FDX1: variants seen among roughly 807,000 people sequenced by gnomAD.
FDX1 encodes the protein adrenodoxin, mitochondrial.
Under a neutral mutation model 14.9 loss-of-function variants are expected in FDX1, and 9 were observed. The ratio of observed to expected loss-of-function variants is 0.60; its 90% confidence interval spans 0.36 to 1.05. The LOEUF is 1.05. Among genes scored for constraint, FDX1 ranks in the 50% least tolerant of loss-of-function variants. FDX1 has a pLI of 0.01. For missense variants in FDX1, 204 were observed against 237.2 expected (o/e 0.86, Z 0.92); for synonymous variants, 92 against 99.4 (o/e 0.93, Z 0.44).
intron 2 of FDX1, among the ~76,000 whole-genome samples, chr11:110,447,205 G>A (rs1412637359): frequency 7.1e-6 from 1 of 140,890 alleles, no homozygotes; most frequent in Non-Finnish European, 1.5e-5. Flanking sequence ...CGAGATGGGC[G>A]GATCACGAGG....
chr11:110,432,179 A>C (rs1397428971), intron 1 of FDX1, among the ~76,000 whole-genome samples: 1 of 152,224 alleles, frequency 6.6e-6, no homozygotes, highest in East Asian at 1.9e-4. Context: ...ATAAGCTATC[A>C]GTAATTGAGA....
chr11:110,457,658 A>G (rs1946530707), intron 3 of FDX1, among the ~76,000 whole-genome samples: 1 of 152,262 alleles, frequency 6.6e-6, no homozygotes, highest in African/African-American at 2.4e-5. Flanking sequence ...TTCAAGGGGT[A>G]AGATAATGAG....
chr11:110,444,622 A>G (rs1946426009), intron 2 of FDX1, among the ~76,000 whole-genome samples: 1 of 140,462 alleles, frequency 7.1e-6, no homozygotes, highest in Non-Finnish European at 1.5e-5. Flanking sequence ...TCAAAAAAAA[A>G]AGAAAATATA....
chr11:110,444,307 C>T (rs115025296), intron 2 of FDX1, among the ~76,000 whole-genome samples: 2,909 of 151,980 alleles, frequency 0.019, 77 homozygotes, highest in African/African-American at 0.061. Flanking sequence ...TTATTGAATA[C>T]GGAGTCTCTT....
chr11:110,438,104 G>T (rs1032486465), intron 2 of FDX1, among the ~76,000 whole-genome samples: 1 of 152,164 alleles, frequency 6.6e-6, no homozygotes, highest in African/African-American at 2.4e-5. Context: ...GAGAGCATGT[G>T]TCTTTTGGTA....
At chr11:110,447,273 C>CAAAAAAAAAA (rs541827807) in intron 2 of FDX1, among the ~76,000 whole-genome samples, 11 of 75,744 alleles carry the variant, frequency 1.5e-4, no homozygotes, top group African/African-American at 2.9e-4. Flanking sequence ...ACTAAAAATA[C>CAAAAAAAAAA]AAAAAAAAAA....
At position 110,429,968 on chromosome 11, in the gene FDX1, G is replaced by A. The variant is rs562265148; in HGVS notation, c.-153G>A. On this transcript the variant is annotated 5_prime_UTR_variant, in exon 1 of 4. Coordinates refer to ENST00000260270, the MANE Select transcript of FDX1 (RefSeq NM_004109.5). ...AAGGCACGCGGAACCTCGGCGCGGT[G>A]CTTCCAGCAGGGTCTCTCCGCCACT... 1.5e-4 allele frequency: 63 copies of A among 427,820 alleles called. No homozygotes were observed. Among genetic ancestry groups the A allele is most frequent in the Non-Finnish European group, 2.3e-4 (61 of 266,364 alleles). The allele number at this position is 427,820 out of a possible 1,614,324, so 26.5% of individuals were successfully genotyped here. A position where few individuals can be genotyped will look rare whatever the true frequency, so the allele number is the denominator to read the frequency against.
At chr11:110,446,353 A>C (rs530503334) in intron 2 of FDX1, among the ~76,000 whole-genome samples, 1 of 152,334 alleles carries the variant, frequency 6.6e-6, no homozygotes, top group South Asian at 2.1e-4. Flanking sequence ...TACTCCAAAC[A>C]TGGCTGACCG....
At chr11:110,459,140 C>T (rs752404835) in intron 3 of FDX1, among the ~76,000 whole-genome samples, 4 of 152,156 alleles carry the variant, frequency 2.6e-5, no homozygotes, top group Non-Finnish European at 5.9e-5. Context: ...TGTGAGTTTA[C>T]ATTGGATGAT....
chr11:110,450,301 T>C lies in FDX1; in HGVS notation c.311-6617T>C, dbSNP rs567333918. On this transcript the variant is annotated intron_variant, in intron 2 of 3. Transcript: ENST00000260270. ...AGATCTAGGTCCCATCTGGAGGTGA[T>C]GGGAGACAGTAACAGATCATCAGGC... 2.0e-5 allele frequency among the ~76,000 whole-genome samples: 3 copies of C among 151,990 alleles called. No individual in the cohort carries two copies. The South Asian group carries it at 6.2e-4, about 32-fold the overall frequency.
intron 1 of FDX1, 108 bp downstream of exon 1, chr11:110,430,413 C>A: frequency 1.3e-6 from 1 of 751,356 alleles, no homozygotes; most frequent in African/African-American, 1.9e-5. Flanking sequence ...GCGCGCCGGG[C>A]CCACACCCCG....
At position 110,444,685 on chromosome 11, in the gene FDX1, C is replaced by CACGTATATATATATATATAT. The variant is rs1565381860; in HGVS notation, c.310+8746_310+8747insTACGTATATATATATATATA. 7.5e-3 allele frequency among the ~76,000 whole-genome samples: 275 copies of CACGTATATATATATATATAT among 36,724 alleles called. 7 individuals are homozygous for CACGTATATATATATATATAT. The highest frequency in any genetic ancestry group is 0.01 in the Non-Finnish European group (237 of 22,668). 24.1% of individuals were successfully genotyped at this position (36,724 alleles called of 152,430 possible). Reference sequence around the variant, plus strand: ...ATATACGTATATATATATATATATACACGTATATATATATATATACGTATA... The same window carrying CACGTATATATATATATATAT: ...ATATACGTATATATATATATATATACACGTATATATATATATATATACGTATATATATATATATACGTATA... On this transcript the variant is annotated intron_variant, in intron 2 of 3. Coordinates refer to ENST00000260270, the MANE Select transcript of FDX1 (RefSeq NM_004109.5).
rs745865501 is a variant in FDX1 at position 110,438,832 on chromosome 11, TC to T, written c.310+2875del. On this transcript the variant is annotated intron_variant, in intron 2 of 3. Coordinates refer to ENST00000260270, the MANE Select transcript of FDX1 (RefSeq NM_004109.5). ...TGATCTGTTTAAGTTCCCTATTGAT[TC>T]TGGATATTAGACCTTTGTTGGATTC... Among the ~76,000 whole-genome samples, 5 of 152,086 alleles carry T rather than the reference TC, an allele frequency of 3.3e-5. No homozygotes were observed. The East Asian group carries it at 9.7e-4, about 29-fold the overall frequency.
Position 110,430,177 on chromosome 11 carries a change from CCCGG to C in FDX1, c.66_69del (p.Arg23GlyfsTer15). Reference sequence around the variant, plus strand: ...GCGCCGCTTCTGCTGTCCTCGGCGGCCCGGCCGGCCGGTGGCTGCACCACGCTGG... The same window carrying C: ...GCGCCGCTTCTGCTGTCCTCGGCGGCCCGGCCGGTGGCTGCACCACGCTGG... On this transcript the variant is annotated frameshift_variant, in exon 1 of 4. Transcript: ENST00000260270. LOFTEE classifies it high-confidence loss of function. 1 of 1,232,578 alleles carries C rather than the reference CCCGG, an allele frequency of 8.1e-7. No homozygotes were observed. Among genetic ancestry groups the C allele is most frequent in the Non-Finnish European group, 1.0e-6 (1 of 990,200 alleles). The allele number at this position is 1,232,578 out of a possible 1,614,324, so 76.4% of individuals were successfully genotyped here.
intron 1 of FDX1, among the ~76,000 whole-genome samples, chr11:110,432,621 A>G (rs1443778766): frequency 2.0e-5 from 3 of 152,052 alleles, no homozygotes; most frequent in African/African-American, 7.3e-5. Context: ...GGCGCGTGCC[A>G]CCACACTCGG....
At chr11:110,434,718 T>TTTTTTTG in intron 1 of FDX1, among the ~76,000 whole-genome samples, 1 of 108,988 alleles carries the variant, frequency 9.2e-6, no homozygotes, top group African/African-American at 4.0e-5. Flanking sequence ...GTGTGATGAC[T>TTTTTTTG]TTTTTTGTTT....
intron 3 of FDX1, among the ~76,000 whole-genome samples, chr11:110,459,631 A>G (rs1326589830): frequency 1.3e-5 from 2 of 152,204 alleles, no homozygotes; most frequent in African/African-American, 4.8e-5. Flanking sequence ...TACCCAGTAT[A>G]TTTTCACCAT....
chr11:110,453,407 G>A (rs764314287), intron 2 of FDX1, among the ~76,000 whole-genome samples: 3 of 151,176 alleles, frequency 2.0e-5, no homozygotes, highest in Non-Finnish European at 4.4e-5. Context: ...ACTAGTAATT[G>A]GAGGACATAG....
At chr11:110,456,649 A>G (rs1249597209) in intron 2 of FDX1, among the ~76,000 whole-genome samples, 1 of 151,356 alleles carries the variant, frequency 6.6e-6, no homozygotes, top group East Asian at 1.9e-4. Context: ...TGGGACTACA[A>G]GTGTGTGCCA....
Sources: allele counts gnomAD v4.1 joint callset (sites outside exome capture counted in the v4.1 genomes callset), GRCh38; gene constraint gnomAD v4.1.1; transcripts MANE v1.5; gene names NCBI Gene and HGNC (gene_info 2026-07-23, HGNC 2026-07-21).